The following SNTG1 variants were observed in gnomAD, a reference collection of about 807,000 sequenced individuals.
SNTG1 encodes gamma-1-syntrophin.
A neutral mutation model predicts 74.7 loss-of-function variants in SNTG1; 39 were observed. That is an observed-to-expected ratio of 0.52 (90% confidence interval 0.40 to 0.68). SNTG1 has a LOEUF of 0.68. SNTG1 is among the 30% of genes least tolerant of loss of function. The pLI, the probability that SNTG1 is intolerant of heterozygous loss-of-function variation, is 0.00. For missense variants in SNTG1, 685 were observed against 609.5 expected (o/e 1.12, Z -1.30); for synonymous variants, 254 against 217.1 (o/e 1.17, Z -1.49).
chr8:50,429,889 T>C (rs949710909), intron 4 of SNTG1, among the ~76,000 whole-genome samples: 7 of 152,030 alleles, frequency 4.6e-5, no homozygotes, highest in African/African-American at 1.7e-4. Context: ...TCAGGGAAAT[T>C]TACATCAAAA....
chr8:50,559,967 T>A (rs2094477618), intron 12 of SNTG1, among the ~76,000 whole-genome samples: 1 of 152,136 alleles, frequency 6.6e-6, no homozygotes, highest in Non-Finnish European at 1.5e-5. Flanking sequence ...TTTTTTGCCA[T>A]CTATCCATCT....
At chr8:50,282,785 T>A (rs1164095778) in intron 2 of SNTG1, among the ~76,000 whole-genome samples, 1 of 151,704 alleles carries the variant, frequency 6.6e-6, no homozygotes, top group African/African-American at 2.4e-5. Context: ...AAAGGAAAAA[T>A]AAATAAATAA....
At chr8:50,038,813 C>T (rs1470618097) in intron 1 of SNTG1, among the ~76,000 whole-genome samples, 4 of 152,198 alleles carry the variant, frequency 2.6e-5, no homozygotes, top group Admixed American at 2.6e-4. Context: ...TAGTGAATGA[C>T]ATACCAGGAC....
intron 1 of SNTG1, among the ~76,000 whole-genome samples, chr8:50,090,933 A>G (rs1441840487): frequency 6.6e-6 from 1 of 152,140 alleles, no homozygotes; most frequent in Admixed American, 6.6e-5. Flanking sequence ...TGCTTTTGGA[A>G]AATTTATATA....
rs183230944 is a variant in SNTG1, at chr8:50,184,278, G to A, written c.-28+11643G>A. ...CTGCCCAGATTCAAGCAATTCTCCT[G>A]CCTCAGCCTCCTGAATAGCTGGGAT... On this transcript the variant is annotated intron_variant, in intron 2 of 18. Coordinates refer to ENST00000642720, the MANE Select transcript of SNTG1 (RefSeq NM_018967.5). 1.1e-3 allele frequency among the ~76,000 whole-genome samples: 167 copies of A among 152,100 alleles called. 2 individuals are homozygous for A. Among genetic ancestry groups the A allele is most frequent in the African/African-American group, 3.7e-3 (154 of 41,478 alleles).
intron 1 of SNTG1, among the ~76,000 whole-genome samples, chr8:50,060,036 C>T (rs1031021590): frequency 1.3e-5 from 2 of 152,018 alleles, no homozygotes; most frequent in African/African-American, 4.8e-5. Flanking sequence ...ATACAGATAT[C>T]ATAGTGGGTG....
At chr8:50,482,017 T>C (rs1413736060) in intron 8 of SNTG1, among the ~76,000 whole-genome samples, 1 of 152,190 alleles carries the variant, frequency 6.6e-6, no homozygotes, top group Non-Finnish European at 1.5e-5. Context: ...GTTTATGAAG[T>C]GAACATAGGA....
intron 2 of SNTG1, among the ~76,000 whole-genome samples, chr8:50,223,778 T>A (rs942116027): frequency 6.6e-6 from 1 of 152,176 alleles, no homozygotes; most frequent in South Asian, 2.1e-4. Context: ...AGAATAATTT[T>A]TTTAAATCCC....
At chr8:50,610,404 TG>T (rs937945628) in intron 13 of SNTG1, among the ~76,000 whole-genome samples, 4 of 152,080 alleles carry the variant, frequency 2.6e-5, no homozygotes, top group African/African-American at 4.8e-5. Flanking sequence ...CACTGTGATT[TG>T]GGGGCTCTTT....
intron 1 of SNTG1, among the ~76,000 whole-genome samples, chr8:50,033,355 C>A (rs1038856679): frequency 6.6e-6 from 1 of 152,038 alleles, no homozygotes; most frequent in African/African-American, 2.4e-5. Flanking sequence ...AACTCGCAAC[C>A]TCAGGTGATC....
At chr8:50,762,857 C>T (rs568162281) in intron 18 of SNTG1, 122 of 367,076 alleles carry the variant, frequency 3.3e-4, no homozygotes, top group South Asian at 1.7e-3. Context: ...AGCCAGACGT[C>T]ACACTCTATT....
At chr8:50,392,855 G>T (rs7816983) in intron 2 of SNTG1, among the ~76,000 whole-genome samples, 96,969 of 151,922 alleles carry the variant, frequency 0.64, 31,097 homozygotes, top group East Asian at 0.82. Flanking sequence ...ATTAAATACA[G>T]CATATGAAAC....
chr8:50,585,360 C>T (rs565321666), intron 12 of SNTG1, among the ~76,000 whole-genome samples: 60 of 152,166 alleles, frequency 3.9e-4, no homozygotes, highest in Admixed American at 1.5e-3. Context: ...CAAAAGCAGC[C>T]GGTTTTGTGA....
At position 50,243,968 on chromosome 8, in the gene SNTG1, C is replaced by T. The variant is rs76447450; in HGVS notation, c.-28+71333C>T. 3.7e-3 allele frequency among the ~76,000 whole-genome samples: 569 copies of T among 152,152 alleles called. 3 individuals carry two copies. The highest frequency in any genetic ancestry group is 6.0e-3 in the Non-Finnish European group (411 of 68,002). The stretch of plus-strand genomic sequence containing the variant: ...AATATATTAGACCATTCTTGCATTG[C>T]TGTAAAGAAATACCTGAGACTGGGT... On this transcript the variant is annotated intron_variant, in intron 2 of 18. Transcript: ENST00000642720.
chr8:50,292,551 C>T (rs117394414), intron 2 of SNTG1, among the ~76,000 whole-genome samples: 2,724 of 151,978 alleles, frequency 0.018, 40 homozygotes, highest in Non-Finnish European at 0.029. Flanking sequence ...TATAGAAATA[C>T]CTGTGAGGGA....
At chr8:50,429,560 A>G (rs978269118) in intron 4 of SNTG1, among the ~76,000 whole-genome samples, 1 of 152,182 alleles carries the variant, frequency 6.6e-6, no homozygotes, top group Non-Finnish European at 1.5e-5. Flanking sequence ...AATAATTTTG[A>G]CATTGGTTCA....
At chr8:50,664,755 C>A (rs58540522) in intron 15 of SNTG1, among the ~76,000 whole-genome samples, 17 of 151,950 alleles carry the variant, frequency 1.1e-4, no homozygotes, top group African/African-American at 4.1e-4. Context: ...AGAGGAAGAT[C>A]GGACGTAACT....
At chr8:50,211,036 G>A (rs191847421) in intron 2 of SNTG1, among the ~76,000 whole-genome samples, 10 of 152,154 alleles carry the variant, frequency 6.6e-5, no homozygotes, top group Admixed American at 4.6e-4. Context: ...TAATATTTTA[G>A]AATCCATGTT....
chr8:50,752,727 G>A (rs2095570749), intron 18 of SNTG1, among the ~76,000 whole-genome samples: 1 of 151,804 alleles, frequency 6.6e-6, no homozygotes, highest in Non-Finnish European at 1.5e-5. Flanking sequence ...ATTAAATTCA[G>A]GGCTAAGAAG....
Sources: gnomAD v4.1 joint callset for allele counts (sites outside exome capture counted in the v4.1 genomes callset) on GRCh38, gnomAD v4.1.1 for gene constraint, MANE v1.5 for transcripts, NCBI Gene and HGNC (gene_info 2026-07-23, HGNC 2026-07-21) for gene names.